TRPC4: variants seen among roughly 807,000 people sequenced by gnomAD.
TRPC4 encodes short transient receptor potential channel 4.
Under a neutral mutation model 99.4 loss-of-function variants are expected in TRPC4, and 49 were observed. That is an observed-to-expected ratio of 0.49 (90% CI 0.39 to 0.63). TRPC4 has a LOEUF of 0.63. Among genes scored for constraint, TRPC4 ranks in the 20% least tolerant of loss-of-function variants. The probability of loss-of-function intolerance (pLI) is 0.00; values close to 1 mark genes in which losing one functional copy is unlikely to be tolerated. For synonymous variants in TRPC4, 454 were observed against 425.9 expected (o/e 1.07, Z -0.81); for missense variants, 898 against 1,152.9 (o/e 0.78, Z 3.20).
chr13:37,761,069 C>G lies in TRPC4; in HGVS notation c.379-14614G>C, dbSNP rs534920262. Among the ~76,000 whole-genome samples the G allele has an allele frequency of 2.1e-4, 32 of 151,936 alleles. No homozygotes were observed. The East Asian group carries it at 6.1e-3, about 29-fold the overall frequency. ...ACAGATTTATCTTAGAAAAAGGACACGTGTTGATACAAATGAACAAGGATC... is the reference window on the plus strand; with the variant it reads ...ACAGATTTATCTTAGAAAAAGGACAGGTGTTGATACAAATGAACAAGGATC... On this transcript the variant is annotated intron_variant, in intron 2 of 10. Transcript: ENST00000379705.
intron 3 of TRPC4, among the ~76,000 whole-genome samples, chr13:37,704,612 G>C (rs1209808056): frequency 6.6e-6 from 1 of 151,894 alleles, no homozygotes; most frequent in East Asian, 1.9e-4. Context: ...CTCCAGCCTG[G>C]GCAACAGAGC....
intron 3 of TRPC4, among the ~76,000 whole-genome samples, chr13:37,721,543 T>C (rs1208454804): frequency 1.3e-5 from 2 of 152,152 alleles, no homozygotes; most frequent in Non-Finnish European, 2.9e-5. Flanking sequence ...TATAAAGCAG[T>C]TTAGAATGAG....
intron 3 of TRPC4, among the ~76,000 whole-genome samples, chr13:37,710,333 C>T (rs966989766): frequency 2.6e-5 from 4 of 151,744 alleles, no homozygotes; most frequent in Admixed American, 2.6e-4. Flanking sequence ...TGTTTTAATA[C>T]ACAGAGTTTG....
chr13:37,859,023 A>G (rs1463682575), intron 1 of TRPC4, among the ~76,000 whole-genome samples: 1 of 151,422 alleles, frequency 6.6e-6, no homozygotes, highest in East Asian at 1.9e-4. Context: ...GCGTGCCTGC[A>G]TCAAAATATC....
chr13:37,836,440 C>T (rs1958568113), intron 1 of TRPC4, among the ~76,000 whole-genome samples: 1 of 152,082 alleles, frequency 6.6e-6, no homozygotes, highest in Non-Finnish European at 1.5e-5. Flanking sequence ...GCCCAAAATG[C>T]TGATAGTGAT....
intron 4 of TRPC4, among the ~76,000 whole-genome samples, chr13:37,681,810 C>T (rs1392924706): frequency 6.6e-6 from 1 of 152,146 alleles, no homozygotes; most frequent in East Asian, 1.9e-4. Flanking sequence ...CATGATTTCT[C>T]AGAGTCGTGA....
intron 2 of TRPC4, among the ~76,000 whole-genome samples, chr13:37,752,528 C>T (rs17056572): frequency 0.019 from 2,957 of 151,876 alleles, 99 homozygotes; most frequent in African/African-American, 0.068. Flanking sequence ...AAGTGACCCC[C>T]TCAAGATTTT....
chr13:37,852,962 C>A (rs1290064060), intron 1 of TRPC4, among the ~76,000 whole-genome samples: 1 of 152,136 alleles, frequency 6.6e-6, no homozygotes, highest in Admixed American at 6.5e-5. Flanking sequence ...GAACATCAGG[C>A]AAATTCCTAA....
chr13:37,671,124 G>A (rs1952824638), intron 5 of TRPC4, among the ~76,000 whole-genome samples: 1 of 152,068 alleles, frequency 6.6e-6, no homozygotes, highest in African/African-American at 2.4e-5. Flanking sequence ...TTCTTAGTGT[G>A]CTCCAATAAA....
chr13:37,822,857 C>T (rs1711025900), intron 1 of TRPC4, among the ~76,000 whole-genome samples: 1 of 151,698 alleles, frequency 6.6e-6, no homozygotes, highest in South Asian at 2.1e-4. Flanking sequence ...CTGACTTCCA[C>T]AATTGTTGAA....
At chr13:37,638,383 C>T (rs900851927) in intron 10 of TRPC4, among the ~76,000 whole-genome samples, 1 of 152,116 alleles carries the variant, frequency 6.6e-6, no homozygotes, top group Non-Finnish European at 1.5e-5. Flanking sequence ...TTACCTAATT[C>T]ACTACTTCAT....
chr13:37,813,075 C>T (rs1432833580), intron 1 of TRPC4, among the ~76,000 whole-genome samples: 2 of 151,582 alleles, frequency 1.3e-5, no homozygotes, highest in East Asian at 3.9e-4. Context: ...ACCACAAAGG[C>T]ATAAAATTAT....
chr13:37,764,990 T>C (rs898100662), intron 2 of TRPC4, among the ~76,000 whole-genome samples: 11 of 151,176 alleles, frequency 7.3e-5, no homozygotes, highest in African/African-American at 2.7e-4. Context: ...CAGGCTTTGA[T>C]GGTAAGGCAT....
chr13:37,659,993 AT>A (rs1416699037), intron 6 of TRPC4, among the ~76,000 whole-genome samples: 1 of 152,162 alleles, frequency 6.6e-6, no homozygotes, highest in Non-Finnish European at 1.5e-5. Context: ...ACAGCTGAAT[AT>A]ATTGTGCAAC....
At chr13:37,764,269 A>G (rs1322810927) in intron 2 of TRPC4, among the ~76,000 whole-genome samples, 1 of 151,534 alleles carries the variant, frequency 6.6e-6, no homozygotes, top group Non-Finnish European at 1.5e-5. Flanking sequence ...AATGTTTGTT[A>G]CTGTTGAAAT....
chr13:37,860,793 A>G (rs1193756552), intron 1 of TRPC4, among the ~76,000 whole-genome samples: 2 of 151,546 alleles, frequency 1.3e-5, no homozygotes, highest in Non-Finnish European at 3.0e-5. Flanking sequence ...CCTAGATCCA[A>G]TTAGACAATT....
At chr13:37,682,596 T>G (rs1222136940) in intron 4 of TRPC4, among the ~76,000 whole-genome samples, 1 of 152,128 alleles carries the variant, frequency 6.6e-6, no homozygotes, top group East Asian at 1.9e-4. Flanking sequence ...AGCCAAACTT[T>G]TCCTTCCAGG....
chr13:37,645,819 A>T (rs1457835737), intron 8 of TRPC4, among the ~76,000 whole-genome samples: 1 of 152,222 alleles, frequency 6.6e-6, no homozygotes, highest in Non-Finnish European at 1.5e-5. Context: ...TTGTATTGTC[A>T]AACCAAATAT....
intron 1 of TRPC4, among the ~76,000 whole-genome samples, chr13:37,828,012 T>C (rs895155660): frequency 6.6e-6 from 1 of 152,186 alleles, no homozygotes; most frequent in South Asian, 2.1e-4. Flanking sequence ...AGTGCAGTAC[T>C]CGGGTGGGAG....
Sources: gnomAD v4.1 joint callset for allele counts (sites outside exome capture counted in the v4.1 genomes callset) on GRCh38, gnomAD v4.1.1 for gene constraint, MANE v1.5 for transcripts, NCBI Gene and HGNC (gene_info 2026-07-23, HGNC 2026-07-21) for gene names.